The following USP32 variants were observed in gnomAD, a reference collection of about 807,000 sequenced individuals.
USP32 encodes ubiquitin carboxyl-terminal hydrolase 32.
In USP32, 59 loss-of-function variants were observed where a neutral mutation model predicts 204.8. The ratio of observed to expected loss-of-function variants is 0.29; its 90% confidence interval spans 0.23 to 0.36. The LOEUF is 0.36. USP32 is among the 10% of genes least tolerant of loss of function. The pLI is 1.00. For synonymous variants in USP32, 517 were observed against 678.4 expected (o/e 0.76, Z 3.70); for missense variants, 1,160 against 1,946.4 (o/e 0.60, Z 7.60).
intron 1 of USP32, among the ~76,000 whole-genome samples, chr17:60,357,084 T>A (rs896703534): frequency 2.0e-5 from 3 of 152,096 alleles, no homozygotes; most frequent in East Asian, 3.9e-4. Flanking sequence ...TAAGACCTTA[T>A]CTCAAAAAAA....
At chr17:60,270,298 C>T (rs2086693121) in intron 6 of USP32, among the ~76,000 whole-genome samples, 4 of 152,292 alleles carry the variant, frequency 2.6e-5, no homozygotes, top group Admixed American at 2.6e-4. Context: ...GCTCCCCTGA[C>T]AAGTACTTCC....
intron 30 of USP32, among the ~76,000 whole-genome samples, chr17:60,184,820 A>C (rs1160218099): frequency 1.3e-5 from 2 of 152,004 alleles, no homozygotes; most frequent in East Asian, 3.8e-4. Context: ...AAAAAAAAAA[A>C]AAAAAAAAAC....
At chr17:60,380,396 G>A (rs1350652123) in intron 1 of USP32, among the ~76,000 whole-genome samples, 11 of 152,096 alleles carry the variant, frequency 7.2e-5, no homozygotes, top group Non-Finnish European at 1.2e-4. Flanking sequence ...GCAAAACCCC[G>A]TCTCTACAAA....
intron 2 of USP32, among the ~76,000 whole-genome samples, chr17:60,338,133 G>A (rs73320733): frequency 0.044 from 6,731 of 151,888 alleles, 532 homozygotes; most frequent in African/African-American, 0.15. Context: ...AGCCCAGCCT[G>A]GGCAACATGG....
intron 1 of USP32, among the ~76,000 whole-genome samples, chr17:60,418,416 TA>T (rs1335808605): frequency 6.7e-5 from 10 of 150,046 alleles, no homozygotes; most frequent in Non-Finnish European, 1.2e-4. Flanking sequence ...TTTTTTTTTT[TA>T]CTATTAACTT....
At chr17:60,264,704 C>CA (rs1387406496) in intron 9 of USP32, among the ~76,000 whole-genome samples, 1 of 150,540 alleles carries the variant, frequency 6.6e-6, no homozygotes, top group African/African-American at 2.4e-5. Flanking sequence ...TCTAAAAATA[C>CA]AAAAAAATCA....
intron 16 of USP32, among the ~76,000 whole-genome samples, chr17:60,215,341 T>C (rs1232624402): frequency 6.6e-6 from 1 of 151,926 alleles, no homozygotes; most frequent in East Asian, 1.9e-4. Flanking sequence ...AGGCCCAAGG[T>C]CCAAATTATT....
intron 9 of USP32, chr17:60,256,671 T>C (rs2086315051): frequency 9.2e-6 from 10 of 1,086,874 alleles, no homozygotes; most frequent in Non-Finnish European, 1.1e-5. Context: ...CCCACTGTAG[T>C]GTGGTATCTG....
At chr17:60,268,659 T>C (rs896091378) in intron 7 of USP32, among the ~76,000 whole-genome samples, 5 of 151,936 alleles carry the variant, frequency 3.3e-5, no homozygotes, top group African/African-American at 1.2e-4. Flanking sequence ...CCAAGCCAGT[T>C]TGAAATAGTG....
At chr17:60,322,303 G>A (rs2088132144) in intron 2 of USP32, among the ~76,000 whole-genome samples, 1 of 152,012 alleles carries the variant, frequency 6.6e-6, no homozygotes, top group Admixed American at 6.6e-5. Context: ...ATACCACTAT[G>A]CCTGGCTCCC....
chr17:60,287,825 T>C (rs2087156404), intron 5 of USP32, among the ~76,000 whole-genome samples: 1 of 151,914 alleles, frequency 6.6e-6, no homozygotes, highest in Non-Finnish European at 1.5e-5. Context: ...AAAAAAAAAA[T>C]TTCTCAGGCC....
intron 2 of USP32, among the ~76,000 whole-genome samples, chr17:60,310,911 T>C (rs2087837252): frequency 1.3e-5 from 2 of 151,888 alleles, no homozygotes; most frequent in South Asian, 4.2e-4. Flanking sequence ...GAGACAAATA[T>C]CACATGTTCT....
chr17:60,315,439 A>C (rs1044764756), intron 2 of USP32, among the ~76,000 whole-genome samples: 11 of 152,142 alleles, frequency 7.2e-5, no homozygotes, highest in African/African-American at 2.7e-4. Flanking sequence ...AAAATGAATA[A>C]ATAACAAGAA....
chr17:60,340,004 T>C (rs771658175), intron 2 of USP32, among the ~76,000 whole-genome samples: 15 of 152,208 alleles, frequency 9.9e-5, no homozygotes, highest in Non-Finnish European at 1.3e-4. Flanking sequence ...AAAATACTGC[T>C]ATGATATCTC....
chr17:60,276,362 C>A (rs1424087166), intron 5 of USP32, among the ~76,000 whole-genome samples: 2 of 151,934 alleles, frequency 1.3e-5, no homozygotes, highest in Non-Finnish European at 1.5e-5. Flanking sequence ...ATAGGGAGAA[C>A]AACAAAGGAA....
At chr17:60,342,259 A>AGAACAGCAAATATTGCT (rs2088677742) in intron 2 of USP32, among the ~76,000 whole-genome samples, 1 of 152,190 alleles carries the variant, frequency 6.6e-6, no homozygotes, top group Non-Finnish European at 1.5e-5. Flanking sequence ...CAAATATTGC[A>AGAACAGCAAATATTGCT]GAACAGCAAA....
intron 2 of USP32, among the ~76,000 whole-genome samples, chr17:60,334,570 T>C (rs1261495505): frequency 5.4e-5 from 8 of 148,088 alleles, no homozygotes; most frequent in African/African-American, 1.6e-4. Flanking sequence ...CAGGCGCCTG[T>C]AGTCCCAGCT....
chr17:60,340,729 T>C (rs983946445), intron 2 of USP32, among the ~76,000 whole-genome samples: 1 of 152,174 alleles, frequency 6.6e-6, no homozygotes, highest in Non-Finnish European at 1.5e-5. Flanking sequence ...TAGCTGGTTA[T>C]TTTGCCCATT....
At chr17:60,399,016 G>A (rs1395630757) in intron 1 of USP32, among the ~76,000 whole-genome samples, 1 of 151,960 alleles carries the variant, frequency 6.6e-6, no homozygotes, top group Non-Finnish European at 1.5e-5. Flanking sequence ...TCTCTAGAAA[G>A]TCCTACAATA....
Sources: gnomAD v4.1 joint callset for allele counts (sites outside exome capture counted in the v4.1 genomes callset) on GRCh38, gnomAD v4.1.1 for gene constraint, MANE v1.5 for transcripts, NCBI Gene and HGNC (gene_info 2026-07-23, HGNC 2026-07-21) for gene names.